The following GVQW3 variants were observed in gnomAD, a reference collection of about 807,000 sequenced individuals.
The protein encoded by GVQW3 is protein GVQW3.
A neutral mutation model predicts 12.5 loss-of-function variants in GVQW3; 7 were observed. The ratio of observed to expected loss-of-function variants is 0.56; its 90% CI spans 0.32 to 1.05. GVQW3 has a LOEUF of 1.05. Ranked by LOEUF, GVQW3 falls within the 50% of genes least tolerant of loss-of-function variation. The pLI is 0.04. For missense variants in GVQW3, 188 were observed against 190.8 expected, an observed-to-expected ratio of 0.99 and a Z score of 0.09; for synonymous variants, 71 against 67.2, an observed-to-expected ratio of 1.06 and a Z score of -0.28.
At position 76,381,817 on chromosome 11, in the gene GVQW3, T is replaced by C; in HGVS notation, c.-12T>C. 6.6e-7 allele frequency: 1 copy of C among 1,516,940 alleles called. No homozygotes were observed. Among genetic ancestry groups the C allele is most frequent in the Non-Finnish European group, 8.8e-7 (1 of 1,137,654 alleles). 94.0% of individuals were successfully genotyped at this position (1,516,940 alleles called of 1,614,324 possible). ...TGGCCTGTTAAACGTTCCTGTGTTG[T>C]TCAGTGCCAGAATGAGTGACCGCTA... is the stretch of plus-strand genomic sequence containing the variant. On this transcript the variant is annotated 5_prime_UTR_variant, in exon 1 of 2. Coordinates refer to ENST00000529331, the MANE Select transcript of GVQW3 (RefSeq NM_001347885.2).
In GVQW3 at chr11:76,398,197, C is replaced by T. The variant is rs999230200; in HGVS notation, c.466-5463C>T. ...GTGTAACAACCAATTCTCAAAATTC[C>T]TGGAAGTTTTAGCAGTCTGCTATCT... On this transcript the variant is annotated intron_variant, in intron 1 of 1. Coordinates refer to ENST00000529331, the MANE Select transcript of GVQW3 (RefSeq NM_001347885.2). 1.4e-4 allele frequency among the ~76,000 whole-genome samples: 21 copies of T among 151,928 alleles called. No homozygotes were observed. The East Asian group carries it at 3.9e-3, about 28-fold the overall frequency.
At chr11:76,397,002 CTT>C (rs11401694) in intron 1 of GVQW3, among the ~76,000 whole-genome samples, 174 of 110,874 alleles carry the variant, frequency 1.6e-3, no homozygotes, top group African/African-American at 5.6e-3. Flanking sequence ...TCATTTATTC[CTT>C]TTTTTTTTTT....
intron 1 of GVQW3, among the ~76,000 whole-genome samples, chr11:76,391,138 G>C (rs146083728): frequency 6.6e-6 from 1 of 152,198 alleles, no homozygotes; most frequent in African/African-American, 2.4e-5. Context: ...GCCAGTTAAG[G>C]CCTAAACCTG....
intron 1 of GVQW3, among the ~76,000 whole-genome samples, chr11:76,398,380 T>C (rs2134555659): frequency 6.6e-6 from 1 of 152,270 alleles, no homozygotes. Context: ...GGCTCAATCT[T>C]AGCTCACTGC....
intron 1 of GVQW3, among the ~76,000 whole-genome samples, chr11:76,400,103 T>A (rs929067544): frequency 3.3e-5 from 5 of 151,108 alleles, no homozygotes; most frequent in African/African-American, 1.2e-4. Flanking sequence ...TAATGTTAAA[T>A]CTTTCTTTCT....
intron 1 of GVQW3, among the ~76,000 whole-genome samples, chr11:76,386,342 A>G (rs906126777): frequency 6.6e-6 from 1 of 152,244 alleles, no homozygotes; most frequent in African/African-American, 2.4e-5. Flanking sequence ...GGGTTCTGCC[A>G]TCTTCTGAAT....
At chr11:76,414,533 T>A (rs1433297155) in exon 2 of GVQW3, 1 of 150,550 alleles carries the variant, frequency 6.6e-6, no homozygotes, top group Non-Finnish European at 1.5e-5. Flanking sequence ...CCAACTCATG[T>A]CCTAAATATT....
rs545219205 is a variant in GVQW3, at chr11:76,407,554, G to A, written c.*3796G>A. ...ATCGCACCACTGCACTCCAGCCTGG[G>A]CGGCAGAGCAAGACTCCCTCTCAAA... On this transcript the variant is annotated 3_prime_UTR_variant, in exon 2 of 2. Transcript: ENST00000529331. The A allele has an allele frequency of 3.6e-5, 5 of 140,204 alleles. 2 individuals carry two copies. The highest frequency in any genetic ancestry group is 1.3e-4 in the African/African-American group (5 of 37,292). The allele number at this position is 140,204 out of a possible 1,614,324, so 8.7% of individuals were successfully genotyped here. A position where few individuals can be genotyped will look rare whatever the true frequency, so the allele number is the denominator to read the frequency against.
At chr11:76,403,617 G>A in intron 1 of GVQW3, 43 bp from the exon 2 acceptor site, 1 of 446,988 alleles carries the variant, frequency 2.2e-6, no homozygotes, top group Non-Finnish European at 3.9e-6. Flanking sequence ...CTACAAGCAT[G>A]TGCCACCATG....
chr11:76,393,739 G>A (rs1946914952), intron 1 of GVQW3, among the ~76,000 whole-genome samples: 4 of 151,728 alleles, frequency 2.6e-5, no homozygotes, highest in Admixed American at 2.6e-4. Flanking sequence ...AGCTTTTGTG[G>A]ATACATAGCA....
At chr11:76,390,087 GTACT>G (rs1482013578) in intron 1 of GVQW3, 1 of 152,186 alleles carries the variant, frequency 6.6e-6, no homozygotes, top group Non-Finnish European at 1.5e-5. Flanking sequence ...GGGAAAATGT[GTACT>G]TAATCTTTGC....
At chr11:76,386,191 C>T (rs1946831855) in intron 1 of GVQW3, among the ~76,000 whole-genome samples, 1 of 152,222 alleles carries the variant, frequency 6.6e-6, no homozygotes, top group Non-Finnish European at 1.5e-5. Context: ...CCTTCTGGGG[C>T]AGATCATCCT....
downstream of GVQW3, among the ~76,000 whole-genome samples, chr11:76,409,564 G>A (rs1947068122): frequency 6.6e-6 from 1 of 152,190 alleles, no homozygotes; most frequent in African/African-American, 2.4e-5. Flanking sequence ...AATCTATCCT[G>A]ATTTCTCAGG....
chr11:76,402,820 T>A (rs954332712), intron 1 of GVQW3, among the ~76,000 whole-genome samples: 2 of 151,904 alleles, frequency 1.3e-5, no homozygotes, highest in Non-Finnish European at 2.9e-5. Flanking sequence ...CCTCAGAACC[T>A]CCCCAGTAGT....
intron 1 of GVQW3, among the ~76,000 whole-genome samples, chr11:76,385,601 T>C (rs1946825650): frequency 6.6e-6 from 1 of 152,242 alleles, no homozygotes; most frequent in South Asian, 2.1e-4. Context: ...GATCCTTGTA[T>C]TGACCTTTGG....
At chr11:76,387,821 G>A (rs1362948630) in intron 1 of GVQW3, among the ~76,000 whole-genome samples, 2 of 152,164 alleles carry the variant, frequency 1.3e-5, no homozygotes, top group Admixed American at 6.5e-5. Context: ...TACTTGCAGG[G>A]TTGAGGCAGG....
rs543629543 is a variant in GVQW3, at chr11:76,403,414, T to G, written c.466-246T>G. Among the ~76,000 whole-genome samples the G allele has an allele frequency of 3.9e-5, 6 of 152,270 alleles. No homozygotes were observed. In the South Asian group the frequency reaches 1.0e-3, roughly 26 times the overall value. On this transcript the variant is annotated intron_variant, in intron 1 of 1. Transcript: ENST00000529331. ...AGCTGGAGCCCAGGAAAGCCAATGG[T>G]GTCATTCTAGTCCAAGCCCAAAGAC...
At chr11:76,403,447 T>C (rs774537476) in intron 1 of GVQW3, among the ~76,000 whole-genome samples, 2 of 152,176 alleles carry the variant, frequency 1.3e-5, no homozygotes, top group Non-Finnish European at 2.9e-5. Context: ...GACGAAGACC[T>C]GAGAACTAGA....
intron 1 of GVQW3, among the ~76,000 whole-genome samples, chr11:76,402,265 T>C (rs1946996785): frequency 6.6e-6 from 1 of 152,050 alleles, no homozygotes; most frequent in Non-Finnish European, 1.5e-5. Context: ...AAAAATAACA[T>C]TTTTAGGCTG....
Sources: allele counts gnomAD v4.1 joint callset (sites outside exome capture counted in the v4.1 genomes callset), GRCh38; gene constraint gnomAD v4.1.1; transcripts MANE v1.5; gene names NCBI Gene and HGNC (gene_info 2026-07-23, HGNC 2026-07-21).